Variants in CRHR1 observed in about 807,000 individuals in gnomAD.
CRHR1 encodes corticotropin releasing hormone receptor 1.
A neutral mutation model predicts 56.0 loss-of-function variants in CRHR1; 28 were observed. The ratio of observed to expected loss-of-function variants is 0.50; its 90% CI spans 0.37 to 0.69. The LOEUF (loss-of-function observed/expected upper bound fraction) is 0.69, where lower values mean the gene tolerates loss of function less well. CRHR1 is among the 30% of genes least tolerant of loss of function. The pLI, the probability that CRHR1 is intolerant of heterozygous loss-of-function variation, is 0.00. For missense variants in CRHR1, 376 were observed against 548.0 expected, an observed-to-expected ratio of 0.69 and a Z score of 3.13; for synonymous variants, 195 against 216.5, an observed-to-expected ratio of 0.90 and a Z score of 0.87.
At chr17:45,833,284 G>C in intron 9 of CRHR1, 74 bp downstream of exon 9, 3 of 1,554,686 alleles carry the variant, frequency 1.9e-6, no homozygotes, top group Non-Finnish European at 2.7e-6. Flanking sequence ...GGACAGAAAG[G>C]ACTCCTCTAC....
chr17:45,803,588 A>G (rs2061662068), intron 1 of CRHR1, among the ~76,000 whole-genome samples: 1 of 151,918 alleles, frequency 6.6e-6, no homozygotes, highest in Admixed American at 6.6e-5. Context: ...GTTTCACCCT[A>G]TTGGCCAGGC....
At chr17:45,793,383 C>T (rs1007995334) in intron 1 of CRHR1, among the ~76,000 whole-genome samples, 2 of 152,200 alleles carry the variant, frequency 1.3e-5, no homozygotes, top group African/African-American at 4.8e-5. Context: ...GAAGCTGGGG[C>T]CTCCAGAGAG....
intron 10 of CRHR1, 21 bp from the exon 11 acceptor site, chr17:45,833,693 T>TGGCCCCCCCCC: frequency 6.4e-7 from 1 of 1,571,610 alleles, no homozygotes; most frequent in Non-Finnish European, 8.7e-7. Context: ...ACTCCGAGCC[T>TGGCCCCCCCCC]CCCCACCCGC....
chr17:45,820,356 T>C (rs79600142), intron 3 of CRHR1, among the ~76,000 whole-genome samples: 21,829 of 152,252 alleles, frequency 0.14, 2,139 homozygotes, highest in Middle Eastern at 0.22. Flanking sequence ...TTAGAACTCA[T>C]GCTGTCCCTT....
At chr17:45,807,547 T>C (rs2061742548) in intron 2 of CRHR1, among the ~76,000 whole-genome samples, 1 of 152,212 alleles carries the variant, frequency 6.6e-6, no homozygotes, top group South Asian at 2.1e-4. Context: ...GGACTGGAGC[T>C]GTATTAACCC....
At chr17:45,828,736 C>T (rs763448688) in intron 4 of CRHR1, among the ~76,000 whole-genome samples, 17 of 152,302 alleles carry the variant, frequency 1.1e-4, no homozygotes, top group Non-Finnish European at 1.8e-4. Context: ...CAGGAGCAGG[C>T]GGCATTGCAG....
At chr17:45,797,109 T>G (rs1168187902) in intron 1 of CRHR1, among the ~76,000 whole-genome samples, 6 of 151,594 alleles carry the variant, frequency 4.0e-5, no homozygotes, top group Non-Finnish European at 8.8e-5. Context: ...TGGGAAAGAG[T>G]GGAGCTGGAA....
intron 2 of CRHR1, among the ~76,000 whole-genome samples, chr17:45,810,472 G>A (rs2061801228): frequency 6.6e-6 from 1 of 152,174 alleles, no homozygotes; most frequent in Admixed American, 6.5e-5. Context: ...ACACTAAGCA[G>A]TTACTAAGCA....
chr17:45,830,033 G>T, intron 5 of CRHR1, 61 bp from the exon 6 acceptor site: 1 of 1,606,532 alleles, frequency 6.2e-7, no homozygotes. Flanking sequence ...TGATGGAGGT[G>T]GCCTACCCCT....
chr17:45,820,858 C>G (rs1457839691), intron 3 of CRHR1, among the ~76,000 whole-genome samples: 1 of 152,234 alleles, frequency 6.6e-6, no homozygotes, highest in African/African-American at 2.4e-5. Flanking sequence ...TGTGAGATGG[C>G]TCTACCACAA....
intron 4 of CRHR1, chr17:45,827,886 C>G (rs1233429950): frequency 6.6e-6 from 1 of 152,324 alleles, no homozygotes; most frequent in East Asian, 1.9e-4. Context: ...TGGAGTAGCT[C>G]CTTGGTGGCC....
At chr17:45,814,216 ATGAG>A (rs983553735) in intron 2 of CRHR1, among the ~76,000 whole-genome samples, 1 of 152,228 alleles carries the variant, frequency 6.6e-6, no homozygotes, top group African/African-American at 2.4e-5. Flanking sequence ...CTGTGGATGA[ATGAG>A]TGAGGAGTGA....
chr17:45,812,516 G>A (rs1348454739), intron 2 of CRHR1, among the ~76,000 whole-genome samples: 1 of 152,166 alleles, frequency 6.6e-6, no homozygotes, highest in Non-Finnish European at 1.5e-5. Flanking sequence ...AAGAGGTCAG[G>A]CTTTTGTGGC....
intron 1 of CRHR1, among the ~76,000 whole-genome samples, chr17:45,791,647 G>A (rs1036975190): frequency 2.6e-5 from 4 of 151,982 alleles, no homozygotes; most frequent in African/African-American, 4.8e-5. Context: ...CTGGGTGCCC[G>A]AAGCCGTCCT....
rs1330048372 is a variant in CRHR1 at position 45,784,688 on chromosome 17, C to T, written c.33+111C>T. The T allele has an allele frequency of 1.7e-6, 2 of 1,187,606 alleles. No homozygotes were observed. The highest frequency in any genetic ancestry group is 2.2e-6 in the Non-Finnish European group (2 of 891,672). 73.6% of individuals were successfully genotyped at this position (1,187,606 alleles called of 1,614,324 possible). ...GGGCGGGGGCGCTGGGAGAGCCGTG[C>T]TTAGGTCGGGGAAGGCTGGGCTCCG... On this transcript the variant is annotated intron_variant, in intron 1 of 12. Transcript: ENST00000314537. The surrounding 1 kb of genome is among the most constrained non-coding windows in gnomAD (Gnocchi z 4.2).
chr17:45,816,574 A>G lies in CRHR1; in HGVS notation c.233A>G (p.Asn78Ser), dbSNP rs942722884. 5.6e-6 allele frequency: 9 copies of G among 1,614,034 alleles called. No individual in the cohort carries two copies. Among genetic ancestry groups the G allele is most frequent in the Non-Finnish European group, 7.6e-6 (9 of 1,179,960 alleles). The change falls in exon 3 of 13, where the codon AAT becomes AGT. Residue 78 changes from asparagine to serine, a missense_variant. By Grantham distance (46) the Asn-to-Ser change is conservative. This residue lies in a region of CRHR1 where 369 missense variants were observed against 519.5 expected (regional missense o/e 0.71). Coordinates refer to ENST00000314537, the MANE Select transcript of CRHR1 (RefSeq NM_004382.5). The part of the protein sequence containing the change: ...CPAFFYGVRY[N>S]TTNNGYRECL... ...GCCTTTTTCTATGGTGTCCGCTACA[A>G]TACCACAAGTAAGGAAGAAGTGGAG...
chr17:45,799,082 G>A (rs1407095238), intron 1 of CRHR1, among the ~76,000 whole-genome samples: 1 of 152,206 alleles, frequency 6.6e-6, no homozygotes, highest in Non-Finnish European at 1.5e-5. Context: ...GCTGAGAAAG[G>A]ACCCCTGGCA....
intron 2 of CRHR1, among the ~76,000 whole-genome samples, chr17:45,808,054 A>G (rs1451925578): frequency 1.3e-5 from 2 of 152,186 alleles, no homozygotes; most frequent in Non-Finnish European, 2.9e-5. Context: ...CTTCTATTTA[A>G]GTCTTCAAGC....
chr17:45,803,779 T>TGCGC (rs1555650818), intron 1 of CRHR1, among the ~76,000 whole-genome samples: 32 of 151,844 alleles, frequency 2.1e-4, no homozygotes, highest in South Asian at 4.1e-4. Context: ...TGTGTGTGCG[T>TGCGC]GCGCGTGCGC....
Sources: allele counts gnomAD v4.1 joint callset (sites outside exome capture counted in the v4.1 genomes callset), GRCh38; gene constraint gnomAD v4.1.1; regional missense constraint gnomAD v4.1.1; non-coding constraint Gnocchi (gnomAD v3.1); transcripts MANE v1.5; gene names NCBI Gene and HGNC (gene_info 2026-07-23, HGNC 2026-07-21).